Variants in PCM1 observed in about 807,000 individuals in gnomAD.
PCM1 encodes pericentriolar material 1, also known as pericentriolar material 1 protein.
A neutral mutation model predicts 241.9 loss-of-function variants in PCM1; 157 were observed. The ratio of observed to expected loss-of-function variants is 0.65; its 90% CI spans 0.57 to 0.74. The LOEUF (loss-of-function observed/expected upper bound fraction) is 0.74, where lower values mean the gene tolerates loss of function less well. Among genes scored for constraint, PCM1 ranks in the 30% least tolerant of loss-of-function variants. The pLI, the probability that PCM1 is intolerant of heterozygous loss-of-function variation, is 0.00. For synonymous variants in PCM1, 1,085 were observed against 784.9 expected (o/e 1.38, Z -6.39); for missense variants, 3,478 against 2,360.1 (o/e 1.47, Z -9.81).
chr8:17,975,362 C>A (rs1370413016), intron 23 of PCM1, among the ~76,000 whole-genome samples: 1 of 152,070 alleles, frequency 6.6e-6, no homozygotes, highest in African/African-American at 2.4e-5. Context: ...GGGGTTTCTC[C>A]ACGTTGGTCA....
intron 26 of PCM1, among the ~76,000 whole-genome samples, chr8:17,987,298 T>C (rs539375761): frequency 6.6e-6 from 1 of 151,836 alleles, no homozygotes; most frequent in Non-Finnish European, 1.5e-5. Flanking sequence ...TTAAGGTTTA[T>C]TGGGCACTGA....
chr8:17,976,049 G>A (rs567010861), intron 23 of PCM1, among the ~76,000 whole-genome samples: 1 of 152,104 alleles, frequency 6.6e-6, no homozygotes, highest in Non-Finnish European at 1.5e-5. Context: ...AGCCTTCTGG[G>A]TTCTTACTGT....
At chr8:17,932,525 T>C (rs2059344251) in intron 2 of PCM1, among the ~76,000 whole-genome samples, 1 of 152,094 alleles carries the variant, frequency 6.6e-6, no homozygotes, top group South Asian at 2.1e-4. Context: ...TTCGTATTTT[T>C]TTTTGCAAAC....
Position 17,960,396 on chromosome 8 carries a change from C to A in PCM1, c.2274C>A (p.Asp758Glu). 6.2e-7 allele frequency: 1 copy of A among 1,606,494 alleles called. No homozygotes were observed. The highest frequency in any genetic ancestry group is 2.2e-5 in the East Asian group (1 of 44,572). ...QLQEERKKLI[D>E]IQEKIQALQT... ...AGGAAGAAAGAAAGAAACTGATTGA[C>A]ATTCAGGAGAAAATTCAAGCATTGC... The change falls in exon 15 of 39, where the codon GAC becomes GAA. Residue 758 changes from aspartate (D) to glutamate (E), a missense_variant. Coordinates refer to ENST00000325083, the MANE Select transcript of PCM1 (RefSeq NM_006197.4).
chr8:17,960,089 A>G lies in PCM1; in HGVS notation c.2116A>G (p.Thr706Ala). Residue 706 changes from threonine (T) to alanine (A), a missense_variant, in exon 14 of 39, where the codon ACC becomes GCC. By Grantham distance (58) the Thr-to-Ala change is moderately conservative. Transcript: ENST00000325083. ...TGATTTCTACCCAGCAGAAGAAGAC[A>G]CCAAGCAAAATTCAAATAACACTAG... ...LDDFYPAEED[T>A]KQNSNNTRGN... 6.2e-7 allele frequency: 1 copy of G among 1,609,744 alleles called. No homozygotes were observed. The highest frequency in any genetic ancestry group is 8.5e-7 in the Non-Finnish European group (1 of 1,177,446).
chr8:18,025,327 A>G (rs1038861282), intron 36 of PCM1, 34 bp from the exon 37 acceptor site: 3 of 1,098,788 alleles, frequency 2.7e-6, no homozygotes, highest in Non-Finnish European at 4.1e-6. Context: ...GTTTGGATCT[A>G]GAGTATGTAT....
At chr8:17,979,009 A>T (rs939934428) in intron 23 of PCM1, among the ~76,000 whole-genome samples, 3 of 152,146 alleles carry the variant, frequency 2.0e-5, no homozygotes, top group African/African-American at 7.2e-5. Context: ...CTGTAATCCC[A>T]GCACTTTGGG....
rs111408337 is a variant in PCM1 at position 17,931,314 on chromosome 8, G to A, written c.-22-4275G>A. ...ATATATTCTTTTTTTTTTTTGAGAT[G>A]GAGTCTTGCTCTTGCCCAGGCTGGA... On this transcript the variant is annotated intron_variant, in intron 2 of 38. Coordinates refer to ENST00000325083, the MANE Select transcript of PCM1 (RefSeq NM_006197.4). 7.3e-3 allele frequency among the ~76,000 whole-genome samples: 1,101 copies of A among 150,638 alleles called. 13 individuals carry two copies. Among genetic ancestry groups the A allele is most frequent in the African/African-American group, 0.024 (1,005 of 41,084 alleles).
At chr8:17,947,558 A>G (rs529787203) in intron 7 of PCM1, among the ~76,000 whole-genome samples, 195 bp downstream of exon 7, 8 of 152,312 alleles carry the variant, frequency 5.3e-5, no homozygotes, top group Non-Finnish European at 7.4e-5. Flanking sequence ...CCATCATACT[A>G]TACCATGCAG....
intron 29 of PCM1, among the ~76,000 whole-genome samples, chr8:17,998,085 T>C (rs1292104704): frequency 6.6e-6 from 1 of 152,056 alleles, no homozygotes; most frequent in Non-Finnish European, 1.5e-5. Flanking sequence ...ATCTTGAATT[T>C]GTTTGAGTTT....
intron 34 of PCM1, among the ~76,000 whole-genome samples, chr8:18,012,743 A>C (rs1258175345): frequency 6.6e-6 from 1 of 152,032 alleles, no homozygotes; most frequent in Non-Finnish European, 1.5e-5. Flanking sequence ...TGTAATTATC[A>C]GATATTATTA....
rs757405346 is a variant in PCM1 at position 17,936,086 on chromosome 8, C to T, written c.96+380C>T. On this transcript the variant is annotated intron_variant, in intron 3 of 38. Transcript: ENST00000325083. ...TCTCTTTACAGACCAGTTTTCTCTC[C>T]TCTGGTCCATGTGATATACTGTGGC... Among the ~76,000 whole-genome samples, 5 of 152,186 alleles carry T rather than the reference C, an allele frequency of 3.3e-5. 1 individual carries two copies. Among genetic ancestry groups the T allele is most frequent in the Admixed American group, 2.0e-4 (3 of 15,274 alleles).
intron 16 of PCM1, among the ~76,000 whole-genome samples, chr8:17,962,714 C>A (rs1022055828): frequency 6.6e-6 from 1 of 151,960 alleles, no homozygotes; most frequent in Admixed American, 6.6e-5. Context: ...GCCTGGTCAA[C>A]GTGGTGAAAC....
Position 18,009,565 on chromosome 8 carries a change from G to A in PCM1, c.4981G>A (p.Ala1661Thr). Residue 1661 changes from alanine to threonine, a missense_variant, in exon 31 of 39, where the codon GCT becomes ACT. Ala to Thr is a moderately conservative substitution (Grantham distance 58). Transcript: ENST00000325083. The part of the protein sequence containing the change: ...SILQDSLAKF[A>T]GRKLKDCGED... ...TGAATAGGATTCACTGGCAAAATTT[G>A]CTGGCAGAAAACTGAAAGACTGTGG... 1 of 1,598,858 alleles carries A rather than the reference G, an allele frequency of 6.3e-7. No individual in the cohort carries two copies. The highest frequency in any genetic ancestry group is 8.5e-7 in the Non-Finnish European group (1 of 1,171,852).
rs761679357 is a variant in PCM1 at position 18,014,643 on chromosome 8, C to T, written c.5644C>T (p.Pro1882Ser). The change falls in exon 36 of 39, where the codon CCT becomes TCT. Residue 1882 changes from proline to serine, a missense_variant. Transcript: ENST00000325083. ...CYLNILEDEQ[P>S]LNSAAHKESP... ...CCTCAATATCTTGGAAGATGAGCAA[C>T]CTTTAAATAGTGCTGCCCATAAGGA... is the stretch of plus-strand genomic sequence containing the variant. 1.9e-6 allele frequency: 3 copies of T among 1,613,570 alleles called. No individual in the cohort carries two copies. Among genetic ancestry groups the T allele is most frequent in the Non-Finnish European group, 2.5e-6 (3 of 1,179,652 alleles).
intron 31 of PCM1, among the ~76,000 whole-genome samples, chr8:18,010,146 T>C (rs1040462210): frequency 2.6e-5 from 4 of 152,194 alleles, no homozygotes; most frequent in Non-Finnish European, 4.4e-5. Flanking sequence ...CACAAATGCT[T>C]ATTAGTTAGG....
chr8:18,013,903 C>A, intron 34 of PCM1, 61 bp from the exon 35 acceptor site: 1 of 951,188 alleles, frequency 1.1e-6, no homozygotes, highest in Non-Finnish European at 1.6e-6. Flanking sequence ...CACTAGTAAT[C>A]ATCTCTTTTA....
rs1391686328 is a variant in PCM1, at chr8:17,985,436, A to C, written c.4109-11A>C. On this transcript the variant is annotated splice_polypyrimidine_tract_variant and intron_variant, in intron 24 of 38. Coordinates refer to ENST00000325083, the MANE Select transcript of PCM1 (RefSeq NM_006197.4). The stretch of plus-strand genomic sequence containing the variant: ...ATCAATATTAACTTTCTGGTCTTTT[A>C]TGTATTCCAGAAACTGGGAGTGATT... The C allele has an allele frequency of 2.6e-6, 4 of 1,539,822 alleles. No individual in the cohort carries two copies. The highest frequency in any genetic ancestry group is 2.6e-6 in the Non-Finnish European group (3 of 1,139,758).
intron 22 of PCM1, among the ~76,000 whole-genome samples, chr8:17,970,937 A>G (rs1312240823): frequency 6.6e-6 from 1 of 152,186 alleles, no homozygotes; most frequent in Non-Finnish European, 1.5e-5. Context: ...AGTCTTATTC[A>G]GGGGTCAGAA....
Sources: allele counts gnomAD v4.1 joint callset (sites outside exome capture counted in the v4.1 genomes callset), GRCh38; gene constraint gnomAD v4.1.1; transcripts MANE v1.5; gene names NCBI Gene and HGNC (gene_info 2026-07-23, HGNC 2026-07-21).